Variants in SLC35F1 observed in about 807,000 individuals in gnomAD.
SLC35F1 encodes solute carrier family 35 member F1, also known as chromosome 6 open reading frame 169.
In SLC35F1, 14 loss-of-function variants were observed where a neutral mutation model predicts 48.7. That is an observed-to-expected ratio of 0.29 (90% CI 0.19 to 0.45). SLC35F1 has a LOEUF of 0.45. SLC35F1 is among the 20% of genes least tolerant of loss of function. The pLI, the probability that SLC35F1 is intolerant of heterozygous loss-of-function variation, is 1.00. For missense variants in SLC35F1, 404 were observed against 500.0 expected, an observed-to-expected ratio of 0.81 and a Z score of 1.83; for synonymous variants, 190 against 202.2, an observed-to-expected ratio of 0.94 and a Z score of 0.51.
intron 2 of SLC35F1, among the ~76,000 whole-genome samples, chr6:118,171,138 T>A (rs1774398162): frequency 6.6e-6 from 1 of 151,744 alleles, no homozygotes; most frequent in South Asian, 2.1e-4. Context: ...CTGAGCTCAA[T>A]AGATCCTCCT....
At chr6:117,953,633 C>G (rs1200180941) in intron 1 of SLC35F1, among the ~76,000 whole-genome samples, 1 of 152,138 alleles carries the variant, frequency 6.6e-6, no homozygotes, top group East Asian at 1.9e-4. Context: ...TGTTTCCCAT[C>G]TGTGGGTCAG....
chr6:118,167,127 G>A (rs757876683), intron 2 of SLC35F1, among the ~76,000 whole-genome samples: 6 of 152,098 alleles, frequency 3.9e-5, no homozygotes, highest in East Asian at 1.9e-4. Flanking sequence ...TACGAGATGC[G>A]AAGGATCCCT....
At chr6:118,036,046 T>C (rs1433210882) in intron 1 of SLC35F1, among the ~76,000 whole-genome samples, 1 of 152,188 alleles carries the variant, frequency 6.6e-6, no homozygotes, top group Admixed American at 6.5e-5. Flanking sequence ...CATTTATTTC[T>C]GCTGTTACTT....
intron 2 of SLC35F1, among the ~76,000 whole-genome samples, chr6:118,203,511 C>A (rs985267696): frequency 6.6e-6 from 1 of 152,224 alleles, no homozygotes; most frequent in Non-Finnish European, 1.5e-5. Context: ...CCTTCAAAAT[C>A]CCACAGTGCT....
intron 4 of SLC35F1, among the ~76,000 whole-genome samples, chr6:118,274,553 A>G (rs1562347442): frequency 6.6e-6 from 1 of 151,942 alleles, no homozygotes; most frequent in Non-Finnish European, 1.5e-5. Context: ...ACCCGCCACC[A>G]CATCTGGCTA....
chr6:118,193,768 G>C (rs1289059868), intron 2 of SLC35F1, among the ~76,000 whole-genome samples: 1 of 152,098 alleles, frequency 6.6e-6, no homozygotes, highest in African/African-American at 2.4e-5. Flanking sequence ...AGCATAGCTA[G>C]GGGTGTGGCT....
intron 1 of SLC35F1, among the ~76,000 whole-genome samples, chr6:118,038,749 G>A (rs1038569876): frequency 9.9e-5 from 15 of 152,024 alleles, no homozygotes; most frequent in African/African-American, 3.4e-4. Context: ...AGCCTCCTGA[G>A]CAGCTAAGAC....
intron 1 of SLC35F1, 85 bp from the exon 2 acceptor site, chr6:118,154,360 A>C: frequency 8.6e-7 from 1 of 1,159,764 alleles, no homozygotes; most frequent in Non-Finnish European, 1.2e-6. Context: ...AGTGCATGCT[A>C]CCAGTGCTCA....
intron 1 of SLC35F1, among the ~76,000 whole-genome samples, chr6:117,952,569 G>A (rs561696308): frequency 1.3e-5 from 2 of 152,100 alleles, no homozygotes; most frequent in Non-Finnish European, 2.9e-5. Flanking sequence ...CCATTTGGCT[G>A]CCTTTGAAGC....
At chr6:118,218,003 A>G (rs1053806013) in intron 2 of SLC35F1, among the ~76,000 whole-genome samples, 1 of 152,194 alleles carries the variant, frequency 6.6e-6, no homozygotes, top group African/African-American at 2.4e-5. Context: ...CATGGTATAG[A>G]CGGCAGGTCC....
intron 1 of SLC35F1, among the ~76,000 whole-genome samples, chr6:117,916,873 A>G (rs530721829): frequency 9.2e-5 from 14 of 152,358 alleles, no homozygotes; most frequent in African/African-American, 2.2e-4. Context: ...TCAGCCATTT[A>G]ACAAAGAATT....
intron 2 of SLC35F1, among the ~76,000 whole-genome samples, chr6:118,234,792 C>A (rs1478550055): frequency 6.6e-6 from 1 of 152,044 alleles, no homozygotes; most frequent in Non-Finnish European, 1.5e-5. Context: ...GATTGCCCTG[C>A]CTTGAGAAAT....
At chr6:118,027,382 G>C (rs1044430679) in intron 1 of SLC35F1, among the ~76,000 whole-genome samples, 2 of 152,090 alleles carry the variant, frequency 1.3e-5, no homozygotes, top group Non-Finnish European at 2.9e-5. Context: ...TTCCACAGTG[G>C]CTGTACCCTT....
intron 2 of SLC35F1, among the ~76,000 whole-genome samples, chr6:118,183,512 T>TA (rs140253532): frequency 2.0e-5 from 3 of 150,184 alleles, no homozygotes; most frequent in Non-Finnish European, 4.4e-5. Flanking sequence ...TAAATTAAAT[T>TA]AAAAAAAAAG....
At chr6:118,312,567 T>C (rs191797417) in intron 7 of SLC35F1, among the ~76,000 whole-genome samples, 1 of 152,168 alleles carries the variant, frequency 6.6e-6, no homozygotes, top group Admixed American at 6.5e-5. Flanking sequence ...ATGGTTTCAA[T>C]GTGAAAAATA....
At chr6:117,949,353 A>G (rs1776334124) in intron 1 of SLC35F1, among the ~76,000 whole-genome samples, 1 of 152,228 alleles carries the variant, frequency 6.6e-6, no homozygotes, top group South Asian at 2.1e-4. Flanking sequence ...TAGGAATAAT[A>G]ATACAAATGA....
chr6:118,061,674 AC>A (rs1190128075), intron 1 of SLC35F1, among the ~76,000 whole-genome samples: 7 of 151,778 alleles, frequency 4.6e-5, no homozygotes, highest in Non-Finnish European at 1.0e-4. Flanking sequence ...CATAGTTTAA[AC>A]CAGCAGTCCC....
intron 2 of SLC35F1, among the ~76,000 whole-genome samples, chr6:118,167,898 T>C (rs559185341): frequency 6.6e-6 from 1 of 152,292 alleles, no homozygotes; most frequent in East Asian, 1.9e-4. Context: ...ATACAGCACA[T>C]AACTGAACCT....
chr6:118,137,340 T>G (rs145948012), intron 1 of SLC35F1, among the ~76,000 whole-genome samples: 131 of 152,288 alleles, frequency 8.6e-4, no homozygotes, highest in Non-Finnish European at 1.2e-3. Context: ...AAAATAGAAA[T>G]AAACTTTTCC....
Sources: gnomAD v4.1 joint callset for allele counts (sites outside exome capture counted in the v4.1 genomes callset) on GRCh38, gnomAD v4.1.1 for gene constraint, MANE v1.5 for transcripts, NCBI Gene and HGNC (gene_info 2026-07-23, HGNC 2026-07-21) for gene names.